SMYD3: variants seen among roughly 807,000 people sequenced by gnomAD.
The protein encoded by SMYD3 is SET and MYND domain containing 3.
A neutral mutation model predicts 57.7 loss-of-function variants in SMYD3; 36 were observed. That is an observed-to-expected ratio of 0.62 (90% CI 0.48 to 0.82). The LOEUF is 0.82. Among genes scored for constraint, SMYD3 ranks in the 40% least tolerant of loss-of-function variants. The pLI, the probability that SMYD3 is intolerant of heterozygous loss-of-function variation, is 0.00. For missense variants in SMYD3, 515 were observed against 538.8 expected (o/e 0.96, Z 0.44); for synonymous variants, 211 against 195.0 (o/e 1.08, Z -0.68).
chr1:246,137,345 T>C (rs566089856), intron 5 of SMYD3, among the ~76,000 whole-genome samples: 1 of 152,298 alleles, frequency 6.6e-6, no homozygotes, highest in South Asian at 2.1e-4. Flanking sequence ...CTCCCCAAAG[T>C]GCATACAAGG....
intron 11 of SMYD3, among the ~76,000 whole-genome samples, chr1:245,759,824 G>C (rs995498288): frequency 6.6e-5 from 10 of 151,184 alleles, no homozygotes; most frequent in African/African-American, 2.4e-4. Context: ...TTTGCAACCA[G>C]ATTTTTGCTG....
At chr1:246,158,184 A>G (rs565497103) in intron 5 of SMYD3, among the ~76,000 whole-genome samples, 25 of 152,350 alleles carry the variant, frequency 1.6e-4, no homozygotes, top group Admixed American at 1.4e-3. Flanking sequence ...CTTTAAGGTA[A>G]AAATAGACTC....
At chr1:246,010,485 C>T (rs1391550281) in intron 5 of SMYD3, among the ~76,000 whole-genome samples, 1 of 152,190 alleles carries the variant, frequency 6.6e-6, no homozygotes, top group Non-Finnish European at 1.5e-5. Context: ...TTAATAAACT[C>T]CCTCTCTGTT....
At chr1:246,305,137 T>C (rs2064958167) in intron 5 of SMYD3, among the ~76,000 whole-genome samples, 1 of 152,194 alleles carries the variant, frequency 6.6e-6, no homozygotes, top group African/African-American at 2.4e-5. Flanking sequence ...TGAGAAGGTG[T>C]CCTAAATCTC....
rs998605188 is a variant in SMYD3, at chr1:246,432,128, C to G, written c.164+74926G>C. 3.3e-5 allele frequency among the ~76,000 whole-genome samples: 5 copies of G among 152,200 alleles called. No individual in the cohort carries two copies. The East Asian group carries it at 7.7e-4, about 23-fold the overall frequency. ...CTACATGTGTGAAAGTACTACCTCT[C>G]TAGCACTTTCTCCAAGGAAACTATC... is the stretch of plus-strand genomic sequence containing the variant. On this transcript the variant is annotated intron_variant, in intron 1 of 11. Coordinates refer to ENST00000490107, the MANE Select transcript of SMYD3 (RefSeq NM_001167740.2).
chr1:246,463,773 T>G (rs1448414854), intron 1 of SMYD3, among the ~76,000 whole-genome samples: 1 of 140,602 alleles, frequency 7.1e-6, no homozygotes, highest in African/African-American at 2.7e-5. Flanking sequence ...GAGGCGGAGT[T>G]TGCAGTGAGC....
At chr1:246,462,286 T>C in intron 1 of SMYD3, among the ~76,000 whole-genome samples, 1 of 19,016 alleles carries the variant, frequency 5.3e-5, no homozygotes, top group East Asian at 1.4e-3. Flanking sequence ...CTGGGTACAG[T>C]GCATCCTCTC....
At chr1:245,964,098 G>A (rs1321959470) in intron 5 of SMYD3, among the ~76,000 whole-genome samples, 1 of 152,178 alleles carries the variant, frequency 6.6e-6, no homozygotes, top group Non-Finnish European at 1.5e-5. Context: ...TCACCATCAT[G>A]GCAGAAGGCA....
At chr1:246,139,188 T>C (rs566535961) in intron 5 of SMYD3, among the ~76,000 whole-genome samples, 1 of 152,338 alleles carries the variant, frequency 6.6e-6, no homozygotes, top group African/African-American at 2.4e-5. Context: ...TAATTGTTCA[T>C]AGACCAAAGA....
chr1:246,362,726 G>C (rs1443392242), intron 1 of SMYD3, among the ~76,000 whole-genome samples: 7 of 152,232 alleles, frequency 4.6e-5, no homozygotes, highest in African/African-American at 1.7e-4. Context: ...GCCTCCCGGA[G>C]GTGCAGGGAT....
intron 10 of SMYD3, among the ~76,000 whole-genome samples, chr1:245,786,215 G>T (rs1187232255): frequency 6.8e-6 from 1 of 147,100 alleles, no homozygotes; most frequent in Non-Finnish European, 1.5e-5. Context: ...GGTGTGGACG[G>T]GGGGGGGATG....
intron 5 of SMYD3, among the ~76,000 whole-genome samples, chr1:246,247,004 C>CA (rs1174542458): frequency 2.0e-5 from 3 of 152,092 alleles, no homozygotes; most frequent in Non-Finnish European, 4.4e-5. Context: ...AGATACACAT[C>CA]AAACTACTAA....
At chr1:246,028,644 G>A (rs2059617101) in intron 5 of SMYD3, among the ~76,000 whole-genome samples, 1 of 152,148 alleles carries the variant, frequency 6.6e-6, no homozygotes, top group Non-Finnish European at 1.5e-5. Context: ...TTGTTAAGAT[G>A]ACCATGCTAC....
At chr1:246,305,889 A>G (rs2148622430) in intron 5 of SMYD3, 1 of 152,324 alleles carries the variant, frequency 6.6e-6, no homozygotes, top group East Asian at 1.9e-4. Context: ...GCGTTCAACC[A>G]TGACAAAGCA....
At chr1:245,931,118 T>C (rs1017880442) in intron 5 of SMYD3, among the ~76,000 whole-genome samples, 3 of 152,168 alleles carry the variant, frequency 2.0e-5, no homozygotes, top group Admixed American at 6.5e-5. Flanking sequence ...TACTGCCATA[T>C]TTGGGTTTTG....
intron 3 of SMYD3, among the ~76,000 whole-genome samples, chr1:246,332,115 T>G (rs116629135): frequency 0.031 from 4,769 of 152,312 alleles, 94 homozygotes; most frequent in Non-Finnish European, 0.04. Context: ...ACATCTCTCA[T>G]TTTAAATCAA....
intron 5 of SMYD3, among the ~76,000 whole-genome samples, chr1:246,107,301 A>G (rs932366725): frequency 3.9e-5 from 6 of 152,150 alleles, no homozygotes; most frequent in Non-Finnish European, 8.8e-5. Context: ...AAAGAAAAAA[A>G]AAAAGAATTT....
At chr1:245,907,661 CA>C (rs1193057771) in intron 8 of SMYD3, among the ~76,000 whole-genome samples, 1 of 152,152 alleles carries the variant, frequency 6.6e-6, no homozygotes, top group East Asian at 1.9e-4. Context: ...ATTTACAAAA[CA>C]ATCAGAAAAC....
chr1:246,483,721 G>C (rs1396724047), intron 1 of SMYD3: 2 of 146,938 alleles, frequency 1.4e-5, no homozygotes, highest in Admixed American at 1.3e-4. Context: ...CATAGCACAG[G>C]AAAAAAAAAT....
Sources: allele counts gnomAD v4.1 joint callset (sites outside exome capture counted in the v4.1 genomes callset), GRCh38; gene constraint gnomAD v4.1.1; transcripts MANE v1.5; gene names NCBI Gene and HGNC (gene_info 2026-07-23, HGNC 2026-07-21).